AFAP1L2: variants seen among roughly 807,000 people sequenced by gnomAD.
AFAP1L2 encodes the protein actin filament associated protein 1 like 2, also known as actin filament-associated protein 1-like 2.
AFAP1L2 carries 46 observed loss-of-function variants against 99.3 expected under a neutral mutation model. The ratio of observed to expected loss-of-function variants is 0.46; its 90% CI spans 0.37 to 0.59. The LOEUF is 0.59. AFAP1L2 is among the 20% of genes least tolerant of loss of function. AFAP1L2 has a pLI of 0.00. For synonymous variants in AFAP1L2, 397 were observed against 419.1 expected, an observed-to-expected ratio of 0.95 and a Z score of 0.64; for missense variants, 959 against 1,034.9, an observed-to-expected ratio of 0.93 and a Z score of 1.01.
intron 1 of AFAP1L2, among the ~76,000 whole-genome samples, chr10:114,364,810 G>C (rs1385525720): frequency 6.6e-6 from 1 of 152,184 alleles, no homozygotes; most frequent in Non-Finnish European, 1.5e-5. Flanking sequence ...ACTACCGGGG[G>C]CTGAGCTGAT....
intron 1 of AFAP1L2, among the ~76,000 whole-genome samples, chr10:114,351,498 G>T (rs1404991439): frequency 6.6e-6 from 1 of 152,216 alleles, no homozygotes; most frequent in Non-Finnish European, 1.5e-5. Context: ...ATCCTGTCCA[G>T]GCCCCTGCCT....
chr10:114,343,760 G>A (rs2049123806), intron 1 of AFAP1L2, among the ~76,000 whole-genome samples: 1 of 152,130 alleles, frequency 6.6e-6, no homozygotes, highest in Non-Finnish European at 1.5e-5. Context: ...AACCAGTAGG[G>A]CCTCCCACCA....
At chr10:114,289,795 A>T in the AFAP1L2 span, 70 of 430,232 alleles carry the variant, frequency 1.6e-4, no homozygotes, top group South Asian at 2.6e-4. Flanking sequence ...AAGGGTCTAA[A>T]GATCCCACAT....
chr10:114,327,147 T>TTATATTTATATATTTATATATATA (rs1554902751), intron 4 of AFAP1L2, among the ~76,000 whole-genome samples: 2 of 54,538 alleles, frequency 3.7e-5, no homozygotes, highest in Non-Finnish European at 9.7e-5. Flanking sequence ...TTATATATAT[T>TTATATTTATATATTTATATATATA]TATATATATA....
rs111840231 is a variant in AFAP1L2, at chr10:114,297,503, G to A, written c.2114-90C>T. 6,923 of 1,359,170 alleles carry A rather than the reference G, an allele frequency of 5.1e-3. 242 individuals carry two copies. The African/African-American group carries it at 0.082, about 16-fold the overall frequency. 84.2% of individuals were successfully genotyped at this position (1,359,170 alleles called of 1,614,324 possible). On this transcript the variant is annotated intron_variant, in intron 16 of 18. Coordinates refer to ENST00000304129, the MANE Select transcript of AFAP1L2 (RefSeq NM_001001936.3). ...GGTGGAGGCAGGGTCTACATACCCC[G>A]CCACCCGAGAAGGACCACAGGTCTG...
At chr10:114,383,786 G>A (rs1157497110) in intron 1 of AFAP1L2, among the ~76,000 whole-genome samples, 2 of 152,196 alleles carry the variant, frequency 1.3e-5, no homozygotes, top group Non-Finnish European at 2.9e-5. Flanking sequence ...TCTTTGCCCT[G>A]GAAAGTTGGG....
chr10:114,333,111 C>A, intron 3 of AFAP1L2, 110 bp downstream of exon 3: 1 of 990,814 alleles, frequency 1.0e-6, no homozygotes. Flanking sequence ...CTCCGCCAGG[C>A]GGGTCTGTGT....
chr10:114,290,027 G>A, downstream of AFAP1L2: 1 of 484,644 alleles, frequency 2.1e-6, no homozygotes, highest in Admixed American at 3.7e-5. Context: ...CATGTGTATG[G>A]CACGTCTGAG....
At chr10:114,314,072 A>T (rs376329015) in intron 6 of AFAP1L2, 22 bp from the exon 7 acceptor site, 4 of 1,598,620 alleles carry the variant, frequency 2.5e-6, no homozygotes, top group Non-Finnish European at 3.4e-6. Flanking sequence ...GAGAGAAGAT[A>T]CACCACTTTG....
chr10:114,400,051 T>C (rs1257836822), intron 1 of AFAP1L2, among the ~76,000 whole-genome samples: 3 of 152,204 alleles, frequency 2.0e-5, no homozygotes, highest in African/African-American at 7.2e-5. Flanking sequence ...ACTTTCTTCA[T>C]TGCACCATGA....
chr10:114,326,092 C>T (rs2046248022), intron 4 of AFAP1L2: 24 of 1,252,332 alleles, frequency 1.9e-5, no homozygotes, highest in Non-Finnish European at 2.5e-5. Flanking sequence ...AGGAGCTCCC[C>T]ATGGGTCATC....
chr10:114,287,961 G>A, the AFAP1L2 span, among the ~76,000 whole-genome samples: 3 of 152,208 alleles, frequency 2.0e-5, no homozygotes, highest in Middle Eastern at 3.2e-3. Context: ...CCCCGTAGCT[G>A]TGATAGTTTC....
the AFAP1L2 span, chr10:114,286,405 G>A: frequency 1.2e-6 from 2 of 1,613,912 alleles, no homozygotes; most frequent in Non-Finnish European, 1.7e-6. Flanking sequence ...CAGAGCTGGA[G>A]GAGATCACAG....
At chr10:114,361,128 G>T (rs1176871533) in intron 1 of AFAP1L2, among the ~76,000 whole-genome samples, 1 of 152,102 alleles carries the variant, frequency 6.6e-6, no homozygotes, top group East Asian at 1.9e-4. Context: ...CAAATCTCGT[G>T]AGACTTACTA....
chr10:114,335,195 A>G lies in AFAP1L2; in HGVS notation c.146-1900T>C, dbSNP rs1401242864. 2.6e-5 allele frequency among the ~76,000 whole-genome samples: 4 copies of G among 152,158 alleles called. 1 individual carries two copies. The highest frequency in any genetic ancestry group is 6.5e-5 in the Admixed American group (1 of 15,284). The stretch of plus-strand genomic sequence containing the variant: ...TTTTGGAGGATACATTTTTGTGTTC[A>G]TATTCTTTGACCCAGCATTTCTACT... On this transcript the variant is annotated intron_variant, in intron 2 of 18. Transcript: ENST00000304129.
At chr10:114,390,835 T>C (rs1228692282) in intron 1 of AFAP1L2, among the ~76,000 whole-genome samples, 1 of 152,110 alleles carries the variant, frequency 6.6e-6, no homozygotes, top group Non-Finnish European at 1.5e-5. Context: ...AATGGGGCAT[T>C]GTGCCACCTT....
chr10:114,310,562 G>A, intron 7 of AFAP1L2, 119 bp from the exon 8 acceptor site: 1 of 901,182 alleles, frequency 1.1e-6, no homozygotes, highest in Non-Finnish European at 1.7e-6. Flanking sequence ...GAGAGAAGAT[G>A]AATTTCCAAG....
At chr10:114,342,194 A>T (rs1347500274) in intron 1 of AFAP1L2, among the ~76,000 whole-genome samples, 1 of 152,202 alleles carries the variant, frequency 6.6e-6, no homozygotes, top group Non-Finnish European at 1.5e-5. Context: ...GTGACCAATC[A>T]TTCCTTTAGA....
At chr10:114,344,749 G>T (rs527847243) in intron 1 of AFAP1L2, among the ~76,000 whole-genome samples, 3 of 152,310 alleles carry the variant, frequency 2.0e-5, no homozygotes, top group African/African-American at 4.8e-5. Flanking sequence ...AGGAATTGTA[G>T]CTCGTCCTTG....
Sources: allele counts gnomAD v4.1 joint callset (sites outside exome capture counted in the v4.1 genomes callset), GRCh38; gene constraint gnomAD v4.1.1; transcripts MANE v1.5; gene names NCBI Gene and HGNC (gene_info 2026-07-23, HGNC 2026-07-21).